Variants in LYRM4 observed in about 807,000 individuals in gnomAD.
The protein encoded by LYRM4 is LYR motif-containing protein 4.
A neutral mutation model predicts 11.7 loss-of-function variants in LYRM4; 9 were observed. The ratio of observed to expected loss-of-function variants is 0.77; its 90% confidence interval spans 0.46 to 1.34. LYRM4 has a LOEUF of 1.34. LYRM4 is among the 40% of genes most tolerant of loss of function. The pLI is 0.00. For synonymous variants in LYRM4, 42 were observed against 40.4 expected (o/e 1.04, Z -0.15); for missense variants, 133 against 112.5 (o/e 1.18, Z -0.82).
At chr6:5,057,739 TC>T in the LYRM4 span, among the ~76,000 whole-genome samples, 1 of 150,644 alleles carries the variant, frequency 6.6e-6, no homozygotes, top group African/African-American at 2.4e-5. Context: ...AAAAAAAACT[TC>T]CCTCATTCCT....
At chr6:5,248,756 A>G (rs1481212942) in intron 1 of LYRM4, among the ~76,000 whole-genome samples, 1 of 152,206 alleles carries the variant, frequency 6.6e-6, no homozygotes, top group Non-Finnish European at 1.5e-5. Flanking sequence ...CACTATTGGT[A>G]TATTGTCACC....
intron 1 of LYRM4, among the ~76,000 whole-genome samples, chr6:5,260,157 T>G (rs1764936146): frequency 6.6e-6 from 1 of 152,162 alleles, no homozygotes. Flanking sequence ...AATGGATTCT[T>G]GCAACCAAAA....
chr6:5,136,664 G>A (rs530707057), intron 2 of LYRM4: 1 of 985,390 alleles, frequency 1.0e-6, no homozygotes, highest in East Asian at 1.1e-4. Flanking sequence ...CAAAGAAGGT[G>A]GCATTTACAA....
intron 2 of LYRM4, among the ~76,000 whole-genome samples, chr6:5,138,487 C>CTAAAAAAAA (rs1757225510): frequency 2.0e-5 from 1 of 49,666 alleles, no homozygotes; most frequent in African/African-American, 8.3e-5. Flanking sequence ...ACCCTGTCTC[C>CTAAAAAAAA]AAAAAAAAAA....
chr6:5,255,475 A>G (rs1045476185), intron 1 of LYRM4, among the ~76,000 whole-genome samples: 1 of 149,596 alleles, frequency 6.7e-6, no homozygotes, highest in Middle Eastern at 3.4e-3. Flanking sequence ...GGATTTAGTC[A>G]CTTTAAAATA....
At chr6:5,251,925 C>T (rs573284443) in intron 1 of LYRM4, among the ~76,000 whole-genome samples, 80 of 152,320 alleles carry the variant, frequency 5.3e-4, no homozygotes, top group Middle Eastern at 6.8e-3. Flanking sequence ...TGGATTGCGA[C>T]TGGTAATATA....
intron 1 of LYRM4, among the ~76,000 whole-genome samples, chr6:5,216,946 C>T (rs967485086): frequency 2.0e-5 from 3 of 152,238 alleles, no homozygotes; most frequent in Admixed American, 1.3e-4. Flanking sequence ...ATCTACTCAA[C>T]AAGTCACATA....
chr6:5,160,951 G>GA (rs1309714886), intron 2 of LYRM4, among the ~76,000 whole-genome samples: 1 of 152,116 alleles, frequency 6.6e-6, no homozygotes, highest in Non-Finnish European at 1.5e-5. Flanking sequence ...TAATAATATA[G>GA]AAAGTCAGTC....
chr6:5,044,243 G>A, the LYRM4 span, among the ~76,000 whole-genome samples: 1 of 152,050 alleles, frequency 6.6e-6, no homozygotes, highest in African/African-American at 2.4e-5. Context: ...TGATTCTCCT[G>A]CCTCGGCCTC....
At chr6:5,084,087 T>A in the LYRM4 span, among the ~76,000 whole-genome samples, 1 of 152,046 alleles carries the variant, frequency 6.6e-6, no homozygotes, top group East Asian at 1.9e-4. Context: ...CTGGGCAGCA[T>A]AGCAAGACCC....
At chr6:5,064,194 G>T in the LYRM4 span, among the ~76,000 whole-genome samples, 1 of 136,960 alleles carries the variant, frequency 7.3e-6, no homozygotes, top group Non-Finnish European at 1.6e-5. Context: ...CCATCTGCTG[G>T]CTGAAAAAAA....
chr6:5,060,758 C>T, the LYRM4 span, among the ~76,000 whole-genome samples: 1 of 152,120 alleles, frequency 6.6e-6, no homozygotes, highest in Non-Finnish European at 1.5e-5. Context: ...GAACTCCTGA[C>T]CTCAGATGAT....
intron 2 of LYRM4, chr6:5,186,769 A>G: frequency 1.4e-6 from 1 of 705,140 alleles, no homozygotes; most frequent in South Asian, 2.6e-5. Context: ...GGATCACTTG[A>G]GGTCAGGACT....
intron 1 of LYRM4, among the ~76,000 whole-genome samples, chr6:5,249,754 T>C (rs112416002): frequency 6.6e-6 from 1 of 152,314 alleles, no homozygotes; most frequent in African/African-American, 2.4e-5. Flanking sequence ...TATTACTTCA[T>C]TTGGTTTCTG....
chr6:5,244,801 G>T (rs915278630), intron 1 of LYRM4, among the ~76,000 whole-genome samples: 3 of 151,828 alleles, frequency 2.0e-5, no homozygotes, highest in African/African-American at 7.3e-5. Flanking sequence ...CATCTGCGCT[G>T]ACTGTGGGCT....
chr6:5,051,439 C>T, the LYRM4 span, among the ~76,000 whole-genome samples: 1 of 152,148 alleles, frequency 6.6e-6, no homozygotes, highest in Non-Finnish European at 1.5e-5. Flanking sequence ...TGACTCATCC[C>T]ATACACCGAA....
chr6:5,243,467 A>T (rs552763436), intron 1 of LYRM4, among the ~76,000 whole-genome samples: 1 of 152,362 alleles, frequency 6.6e-6, no homozygotes, highest in East Asian at 1.9e-4. Context: ...GGTTGCGCTG[A>T]AAGGCAATAA....
chr6:5,233,490 A>C (rs1319147757), intron 1 of LYRM4, among the ~76,000 whole-genome samples: 8 of 152,184 alleles, frequency 5.3e-5, no homozygotes, highest in Non-Finnish European at 1.2e-4. Context: ...ACCCCCAGTG[A>C]CACCCATTAT....
At chr6:5,209,924 T>C (rs1761907762) in intron 2 of LYRM4, among the ~76,000 whole-genome samples, 1 of 152,230 alleles carries the variant, frequency 6.6e-6, no homozygotes, top group East Asian at 1.9e-4. Flanking sequence ...TCAACTATTA[T>C]TTCATTTTCT....
Sources: gnomAD v4.1 joint callset for allele counts (sites outside exome capture counted in the v4.1 genomes callset) on GRCh38, gnomAD v4.1.1 for gene constraint, MANE v1.5 for transcripts, NCBI Gene and HGNC (gene_info 2026-07-23, HGNC 2026-07-21) for gene names.